The following SLC25A21 variants were observed in gnomAD, a reference collection of about 807,000 sequenced individuals.
SLC25A21 encodes mitochondrial 2-oxodicarboxylate carrier.
SLC25A21 carries 47 observed loss-of-function variants against 43.8 expected under a neutral mutation model. That is an observed-to-expected ratio of 1.07 (90% CI 0.85 to 1.37). The LOEUF (loss-of-function observed/expected upper bound fraction) is 1.37. Among genes scored for constraint, SLC25A21 ranks in the 40% most tolerant of loss-of-function variants. SLC25A21 has a pLI of 0.00. For missense variants in SLC25A21, 352 were observed against 350.2 expected, an observed-to-expected ratio of 1.00 and a Z score of -0.04; for synonymous variants, 131 against 121.3, an observed-to-expected ratio of 1.08 and a Z score of -0.52.
At chr14:37,171,521 A>T (rs1046402747) in intron 1 of SLC25A21, among the ~76,000 whole-genome samples, 5 of 152,196 alleles carry the variant, frequency 3.3e-5, no homozygotes, top group Admixed American at 1.3e-4. Context: ...TATTTATAAT[A>T]AAAATGCATG....
intron 1 of SLC25A21, among the ~76,000 whole-genome samples, chr14:36,888,752 A>C (rs1032177330): frequency 1.3e-5 from 2 of 152,190 alleles, no homozygotes; most frequent in Non-Finnish European, 2.9e-5. Context: ...TCATCTTACT[A>C]AATGAAGAAT....
chr14:36,701,940 G>A (rs1883296282), intron 7 of SLC25A21, among the ~76,000 whole-genome samples: 2 of 152,106 alleles, frequency 1.3e-5, no homozygotes, highest in South Asian at 2.1e-4. Context: ...CTTCAACATG[G>A]AGGTAGAGAG....
At chr14:36,900,550 T>C (rs559793257) in intron 1 of SLC25A21, among the ~76,000 whole-genome samples, 131 of 152,316 alleles carry the variant, frequency 8.6e-4, no homozygotes, top group African/African-American at 3.1e-3. Flanking sequence ...ACAATGGTAC[T>C]GGGATTAACT....
At chr14:36,800,564 G>A (rs541395994) in intron 3 of SLC25A21, among the ~76,000 whole-genome samples, 25 of 152,232 alleles carry the variant, frequency 1.6e-4, no homozygotes, top group African/African-American at 6.0e-4. Flanking sequence ...TAGAATGGAG[G>A]TTATCAGGGG....
intron 2 of SLC25A21, among the ~76,000 whole-genome samples, chr14:36,868,566 T>C (rs1219315159): frequency 1.3e-5 from 2 of 152,226 alleles, no homozygotes; most frequent in Non-Finnish European, 2.9e-5. Flanking sequence ...CCATAAAATA[T>C]GTATCAATGA....
intron 3 of SLC25A21, among the ~76,000 whole-genome samples, chr14:36,803,854 G>A (rs1365125471): frequency 1.3e-5 from 2 of 152,150 alleles, no homozygotes; most frequent in Non-Finnish European, 2.9e-5. Flanking sequence ...AGGTTTTCCT[G>A]GTTATTACTA....
At chr14:36,718,393 C>A (rs1884234803) in intron 6 of SLC25A21, among the ~76,000 whole-genome samples, 1 of 152,184 alleles carries the variant, frequency 6.6e-6, no homozygotes, top group African/African-American at 2.4e-5. Flanking sequence ...CACAGTAATG[C>A]AGGAAAAATT....
At chr14:37,152,142 T>C (rs1963769516) in intron 1 of SLC25A21, among the ~76,000 whole-genome samples, 1 of 152,158 alleles carries the variant, frequency 6.6e-6, no homozygotes, top group South Asian at 2.1e-4. Context: ...TCTTACTTTT[T>C]AAAATCTTAT....
intron 1 of SLC25A21, among the ~76,000 whole-genome samples, chr14:37,155,675 AC>A (rs1963835791): frequency 6.6e-6 from 1 of 152,150 alleles, no homozygotes; most frequent in Non-Finnish European, 1.5e-5. Flanking sequence ...AACCCAAAAA[AC>A]TTTCACCCTA....
At chr14:36,751,258 C>T (rs903326096) in intron 3 of SLC25A21, among the ~76,000 whole-genome samples, 4 of 152,168 alleles carry the variant, frequency 2.6e-5, no homozygotes, top group Admixed American at 2.0e-4. Context: ...TCTCATTCTG[C>T]TAAGACTCAT....
At chr14:37,094,216 T>C (rs1962642735) in intron 1 of SLC25A21, among the ~76,000 whole-genome samples, 1 of 152,160 alleles carries the variant, frequency 6.6e-6, no homozygotes, top group Admixed American at 6.6e-5. Flanking sequence ...AATTAGATAA[T>C]TTTTCTAAAG....
intron 2 of SLC25A21, among the ~76,000 whole-genome samples, chr14:36,870,020 A>G (rs1890324335): frequency 6.6e-6 from 1 of 152,190 alleles, no homozygotes; most frequent in Admixed American, 6.5e-5. Flanking sequence ...ATAGAGAACT[A>G]AATAATGAAA....
At chr14:37,062,468 T>A (rs1028463841) in intron 1 of SLC25A21, among the ~76,000 whole-genome samples, 71 of 152,106 alleles carry the variant, frequency 4.7e-4, no homozygotes, top group Middle Eastern at 3.4e-3. Context: ...ATTTTTTTTT[T>A]AAAAAAAGAA....
chr14:36,727,333 T>C (rs1345295541), intron 5 of SLC25A21, among the ~76,000 whole-genome samples: 2 of 152,240 alleles, frequency 1.3e-5, no homozygotes, highest in Non-Finnish European at 2.9e-5. Flanking sequence ...AGGCTCAAAA[T>C]AATGTGTGAA....
At chr14:37,028,468 G>A (rs1162532884) in intron 1 of SLC25A21, among the ~76,000 whole-genome samples, 1 of 152,044 alleles carries the variant, frequency 6.6e-6, no homozygotes, top group African/African-American at 2.4e-5. Flanking sequence ...CAAATCAATG[G>A]TAGGTTGGTG....
In SLC25A21 at chr14:36,711,311, T is replaced by C. The variant is rs1883852591; in HGVS notation, c.603+7A>G. The C allele has an allele frequency of 6.2e-7, 1 of 1,612,410 alleles. No individual in the cohort carries two copies. The highest frequency in any genetic ancestry group is 1.3e-5 in the African/African-American group (1 of 74,808). On this transcript the variant is annotated splice_region_variant and intron_variant, in intron 7 of 9. Transcript: ENST00000331299. ...TCCTCCAGGATTTTAATTTATTAAA[T>C]AGTTACCTTATTGACAGGAATCATG...
chr14:37,116,153 C>A (rs1963101697), intron 1 of SLC25A21, among the ~76,000 whole-genome samples: 1 of 152,066 alleles, frequency 6.6e-6, no homozygotes, highest in Non-Finnish European at 1.5e-5. Flanking sequence ...AATCACTCAG[C>A]AAGCACTAAG....
intron 7 of SLC25A21, among the ~76,000 whole-genome samples, chr14:36,695,482 A>T (rs565420622): frequency 2.0e-5 from 3 of 152,264 alleles, no homozygotes; most frequent in Non-Finnish European, 4.4e-5. Flanking sequence ...ATGGCATTGA[A>T]TCTATAAATT....
At chr14:37,161,295 A>C (rs1963936272) in intron 1 of SLC25A21, among the ~76,000 whole-genome samples, 1 of 152,190 alleles carries the variant, frequency 6.6e-6, no homozygotes. Flanking sequence ...ATTAGGAATG[A>C]AAAATAGCAG....
Sources: allele counts gnomAD v4.1 joint callset (sites outside exome capture counted in the v4.1 genomes callset), GRCh38; gene constraint gnomAD v4.1.1; transcripts MANE v1.5; gene names NCBI Gene and HGNC (gene_info 2026-07-23, HGNC 2026-07-21).